Variants in FNDC3B observed in about 807,000 individuals in gnomAD.
The protein encoded by FNDC3B is fibronectin type III domain containing 3B.
FNDC3B carries 12 observed loss-of-function variants against 151.5 expected under a neutral mutation model. The observed-to-expected ratio is 0.08, with a 90% CI of 0.05 to 0.13. FNDC3B has a LOEUF of 0.13. FNDC3B is among the 10% of genes least tolerant of loss of function. The pLI is 1.00. For missense variants in FNDC3B, 1,214 were observed against 1,505.3 expected (o/e 0.81, Z 3.20); for synonymous variants, 528 against 549.0 (o/e 0.96, Z 0.54).
At chr3:172,233,030 C>A (rs188053383) in intron 4 of FNDC3B, among the ~76,000 whole-genome samples, 70 of 152,226 alleles carry the variant, frequency 4.6e-4, no homozygotes, top group African/African-American at 1.7e-3. Flanking sequence ...ATTTTCCTTC[C>A]ATTGTATACT....
intron 3 of FNDC3B, among the ~76,000 whole-genome samples, chr3:172,210,360 C>T (rs1725674279): frequency 1.3e-5 from 2 of 151,766 alleles, no homozygotes; most frequent in South Asian, 4.2e-4. Context: ...TTTTGTTTTC[C>T]TTTTTTCTTT....
intron 21 of FNDC3B, among the ~76,000 whole-genome samples, chr3:172,351,525 A>C (rs1297694654): frequency 6.6e-6 from 1 of 152,214 alleles, no homozygotes; most frequent in Non-Finnish European, 1.5e-5. Context: ...TAAGAACTTC[A>C]AAGTTTTTTC....
chr3:172,392,810 C>CTTTCTTTTTTTT (rs1491505881), intron 25 of FNDC3B, among the ~76,000 whole-genome samples: 1,740 of 99,770 alleles, frequency 0.017, 81 homozygotes, highest in African/African-American at 0.058. Context: ...TTTTTTTTTT[C>CTTTCTTTTTTTT]TTTTTTTTTT....
chr3:172,239,758 T>A (rs183169992), intron 4 of FNDC3B, among the ~76,000 whole-genome samples: 49 of 147,534 alleles, frequency 3.3e-4, no homozygotes, highest in African/African-American at 1.2e-3. Flanking sequence ...AGGAACTATC[T>A]TTTCTGTTAG....
intron 3 of FNDC3B, among the ~76,000 whole-genome samples, chr3:172,182,388 T>A (rs1175623518): frequency 6.6e-6 from 1 of 152,218 alleles, no homozygotes; most frequent in Non-Finnish European, 1.5e-5. Context: ...GAATGTGGTA[T>A]GCTAGACACC....
In FNDC3B at chr3:172,045,790, C is replaced by CTATATA. The variant is rs1273873661; in HGVS notation, c.-29+6020_-29+6021insATATAT. On this transcript the variant is annotated intron_variant, in intron 1 of 25. Transcript: ENST00000415807. ...TGTCTCTCTCTCTCTCTCTCTCTCT[C>CTATATA]TCTCTATATATATATATACACTTTG... 2.2e-5 allele frequency among the ~76,000 whole-genome samples: 3 copies of CTATATA among 138,060 alleles called. No individual in the cohort carries two copies. The South Asian group carries it at 6.7e-4, about 31-fold the overall frequency. 90.6% of individuals were successfully genotyped at this position (138,060 alleles called of 152,430 possible).
At chr3:172,392,501 C>T (rs1736059011) in intron 25 of FNDC3B, among the ~76,000 whole-genome samples, 1 of 152,118 alleles carries the variant, frequency 6.6e-6, no homozygotes, top group Non-Finnish European at 1.5e-5. Flanking sequence ...GAAGCCTGGC[C>T]TCCGTTCCAG....
intron 25 of FNDC3B, among the ~76,000 whole-genome samples, chr3:172,387,138 G>A (rs995457850): frequency 4.0e-5 from 6 of 151,780 alleles, no homozygotes; most frequent in Non-Finnish European, 8.8e-5. Flanking sequence ...TGTATTTTTA[G>A]TAGAGACGGG....
At chr3:172,075,012 C>A (rs1321363369) in intron 1 of FNDC3B, among the ~76,000 whole-genome samples, 1 of 152,152 alleles carries the variant, frequency 6.6e-6, no homozygotes, top group Non-Finnish European at 1.5e-5. Flanking sequence ...TACATTTGTA[C>A]CTATGTTGCC....
chr3:172,280,102 A>G (rs1729632966), intron 6 of FNDC3B, among the ~76,000 whole-genome samples: 1 of 152,096 alleles, frequency 6.6e-6, no homozygotes, highest in Admixed American at 6.5e-5. Flanking sequence ...TTTCGTAGAG[A>G]TGGGGTCTTA....
chr3:172,239,852 AGTTCTTTTTT>A (rs1727390124), intron 4 of FNDC3B, among the ~76,000 whole-genome samples: 8 of 80,822 alleles, frequency 9.9e-5, no homozygotes, highest in African/African-American at 1.5e-4. Context: ...GATCCATTTT[AGTTCTTTTTT>A]TTTTTTTTTT....
chr3:172,281,909 GA>G (rs940558333), intron 6 of FNDC3B, among the ~76,000 whole-genome samples: 2 of 150,314 alleles, frequency 1.3e-5, no homozygotes, highest in African/African-American at 4.9e-5. Flanking sequence ...AGAGACAGGA[GA>G]AAAAAAACAA....
chr3:172,338,041 A>G (rs994336354), intron 16 of FNDC3B: 2 of 152,602 alleles, frequency 1.3e-5, no homozygotes, highest in East Asian at 1.9e-4. Context: ...AATTCTTATA[A>G]GCAGCCGAGA....
At chr3:172,303,948 T>C (rs1731063702) in intron 9 of FNDC3B, among the ~76,000 whole-genome samples, 1 of 152,246 alleles carries the variant, frequency 6.6e-6, no homozygotes, top group Non-Finnish European at 1.5e-5. Flanking sequence ...GCAAAATGGC[T>C]GACAAAATAT....
chr3:172,302,661 C>A (rs1478026201), intron 9 of FNDC3B: 2 of 152,112 alleles, frequency 1.3e-5, no homozygotes, highest in African/African-American at 4.8e-5. Context: ...TTTAGGAAGA[C>A]CTTTATTAAA....
chr3:172,220,350 T>C (rs1173083931), intron 3 of FNDC3B, among the ~76,000 whole-genome samples: 1 of 152,206 alleles, frequency 6.6e-6, no homozygotes, highest in Non-Finnish European at 1.5e-5. Context: ...TCAATTCCTT[T>C]AGCCATTTTT....
In FNDC3B at chr3:172,045,766, GTCTCTCTC is replaced by G. The variant is rs67916203; in HGVS notation, c.-29+6017_-29+6024del. On this transcript the variant is annotated intron_variant, in intron 1 of 25. Coordinates refer to ENST00000415807, the MANE Select transcript of FNDC3B (RefSeq NM_022763.4). Reference sequence around the variant, plus strand: ...AGCTTTGTACTTTAGTTTACTGAGTGTCTCTCTCTCTCTCTCTCTCTCTCTCTCTATAT... The same window carrying G: ...AGCTTTGTACTTTAGTTTACTGAGTGTCTCTCTCTCTCTCTCTCTCTATAT... Among the ~76,000 whole-genome samples the G allele has an allele frequency of 2.4e-3, 358 of 147,256 alleles. 2 individuals carry two copies. Among genetic ancestry groups the G allele is most frequent in the African/African-American group, 7.8e-3 (312 of 40,064 alleles).
intron 1 of FNDC3B, among the ~76,000 whole-genome samples, chr3:172,074,191 A>T (rs1321761854): frequency 6.6e-6 from 1 of 152,236 alleles, no homozygotes; most frequent in Non-Finnish European, 1.5e-5. Context: ...ATGATGCTAC[A>T]TTATTGCCTG....
intron 20 of FNDC3B, 136 bp from the exon 21 acceptor site, chr3:172,347,076 C>T (rs971618113): frequency 1.9e-5 from 14 of 737,642 alleles, no homozygotes; most frequent in South Asian, 1.1e-4. Flanking sequence ...TATTTGTGAT[C>T]GTGCCTTTCT....
Sources: allele counts gnomAD v4.1 joint callset (sites outside exome capture counted in the v4.1 genomes callset), GRCh38; gene constraint gnomAD v4.1.1; transcripts MANE v1.5; gene names NCBI Gene and HGNC (gene_info 2026-07-23, HGNC 2026-07-21).